The following PNPLA4 variants were observed in gnomAD, a reference collection of about 807,000 sequenced individuals.
PNPLA4 encodes the protein patatin like domain 4, phospholipase and triacylglycerol lipase.
A neutral mutation model predicts 18.3 loss-of-function variants in PNPLA4; 15 were observed. The ratio of observed to expected loss-of-function variants is 0.82; its 90% CI spans 0.55 to 1.26. The LOEUF (loss-of-function observed/expected upper bound fraction) is 1.26, where lower values mean the gene tolerates loss of function less well. Ranked by LOEUF, PNPLA4 falls within the 50% of genes most tolerant of loss-of-function variation. The pLI is 0.00. For missense variants in PNPLA4, 229 were observed against 196.8 expected (o/e 1.16, Z -0.98); for synonymous variants, 88 against 85.6 (o/e 1.03, Z -0.16).
chrX:7,909,527 C>A (rs1235348368), intron 5 of PNPLA4, among the ~76,000 whole-genome samples: 1 of 108,638 alleles, frequency 9.2e-6, no homozygotes, highest in Non-Finnish European at 1.9e-5. Context: ...CCACTGCACT[C>A]CAGCCTGGGT....
At position 7,899,063 on chromosome X, in the gene PNPLA4, A is replaced by G. The variant is rs1406164721; in HGVS notation, c.*1623T>C. ...TCTATCCACTTCATGTCACTTATGG[A>G]AACAACACATTAAGATTAAACTACA... On this transcript the variant is annotated 3_prime_UTR_variant, in exon 7 of 7. Transcript: ENST00000381042. 4.5e-5 allele frequency: 5 copies of G among 111,853 alleles called. No homozygotes were observed. Among genetic ancestry groups the G allele is most frequent in the Non-Finnish European group, 9.4e-5 (5 of 53,169 alleles). The allele number at this position is 111,853 out of a possible 1,213,427, so 9.2% of individuals were successfully genotyped here.
intron 4 of PNPLA4, among the ~76,000 whole-genome samples, chrX:7,918,079 C>T (rs1924099609): frequency 8.9e-6 from 1 of 111,990 alleles, no homozygotes; most frequent in Admixed American, 9.4e-5. Context: ...TTCATGCTCT[C>T]CCATGCTCTT....
In PNPLA4 at chrX:7,899,954, T is replaced by C. The variant is rs1288914359; in HGVS notation, c.*732A>G. 9.0e-6 allele frequency: 1 copy of C among 111,711 alleles called. No individual in the cohort carries two copies. Among genetic ancestry groups the C allele is most frequent in the Non-Finnish European group, 1.9e-5 (1 of 53,189 alleles). The allele number at this position is 111,711 out of a possible 1,213,427, so 9.2% of individuals were successfully genotyped here. ...TAACTGAATCATGGAGGCAGGTCTT[T>C]CCCATGCTATTCTCATGATAGTGAA... On this transcript the variant is annotated 3_prime_UTR_variant, in exon 7 of 7. Coordinates refer to ENST00000381042, the MANE Select transcript of PNPLA4 (RefSeq NM_004650.3).
chrX:7,903,127 T>C (rs934655932), intron 5 of PNPLA4, among the ~76,000 whole-genome samples: 1 of 111,750 alleles, frequency 8.9e-6, no homozygotes. Context: ...CTTCAATGTG[T>C]AAAATGCAAT....
At chrX:7,926,927 G>A (rs1924434800) in intron 1 of PNPLA4, among the ~76,000 whole-genome samples, 1 of 112,070 alleles carries the variant, frequency 8.9e-6, no homozygotes, top group African/African-American at 3.2e-5. Flanking sequence ...GGGGCCCAAG[G>A]GCCCCATTCA....
intron 5 of PNPLA4, among the ~76,000 whole-genome samples, chrX:7,906,914 A>T (rs1262989483): frequency 8.9e-6 from 1 of 112,677 alleles, no homozygotes; most frequent in Non-Finnish European, 1.9e-5. Flanking sequence ...TATATACTTA[A>T]TCTTAACCAA....
chrX:7,904,334 C>T (rs754009759), intron 5 of PNPLA4, among the ~76,000 whole-genome samples: 51 of 112,145 alleles, frequency 4.5e-4, no homozygotes, highest in African/African-American at 1.3e-3. Context: ...TTTAGGGAAT[C>T]GAAAATCCTT....
intron 1 of PNPLA4, among the ~76,000 whole-genome samples, chrX:7,926,772 A>G (rs1054450727): frequency 9.8e-5 from 11 of 112,448 alleles, no homozygotes; most frequent in African/African-American, 3.2e-4. Flanking sequence ...GCTCTATGAA[A>G]TGTCAGCCAC....
At chrX:7,924,857 C>G (rs756276978) in intron 2 of PNPLA4, among the ~76,000 whole-genome samples, 1 of 111,968 alleles carries the variant, frequency 8.9e-6, no homozygotes, top group Non-Finnish European at 1.9e-5. Context: ...TGCCACAGCT[C>G]AAGAAAAGAC....
rs1923473024 is a variant in PNPLA4, at chrX:7,899,869, T to C, written c.*817A>G. The C allele has an allele frequency of 9.0e-6, 1 of 111,331 alleles. No individual in the cohort carries two copies. The highest frequency in any genetic ancestry group is 9.5e-5 in the Admixed American group (1 of 10,526). 9.2% of individuals were successfully genotyped at this position (111,331 alleles called of 1,213,427 possible). Reference sequence around the variant, plus strand: ...TGGCTGTGTCCCCACCCAAATCTCATCTTGAAGTGTATGTAGCTCCCACAA... The same window carrying C: ...TGGCTGTGTCCCCACCCAAATCTCACCTTGAAGTGTATGTAGCTCCCACAA... On this transcript the variant is annotated 3_prime_UTR_variant, in exon 7 of 7. Transcript: ENST00000381042.
At chrX:7,914,411 C>T (rs988354400) in intron 4 of PNPLA4, among the ~76,000 whole-genome samples, 1 of 111,647 alleles carries the variant, frequency 9.0e-6, no homozygotes, top group Non-Finnish European at 1.9e-5. Flanking sequence ...ACATCATTGG[C>T]TTCAGAGAAA....
intron 5 of PNPLA4, among the ~76,000 whole-genome samples, chrX:7,904,335 G>A (rs757406346): frequency 2.7e-5 from 3 of 112,178 alleles, no homozygotes; most frequent in Admixed American, 9.4e-5. Flanking sequence ...TTAGGGAATC[G>A]AAAATCCTTT....
At chrX:7,909,097 T>C in intron 5 of PNPLA4, among the ~76,000 whole-genome samples, 1 of 111,756 alleles carries the variant, frequency 8.9e-6, no homozygotes, top group Admixed American at 9.5e-5. Context: ...GTAAGAGGCA[T>C]AGCAAAGATA....
At chrX:7,903,687 A>G (rs1923618459) in intron 5 of PNPLA4, among the ~76,000 whole-genome samples, 1 of 111,945 alleles carries the variant, frequency 8.9e-6, no homozygotes, top group South Asian at 3.7e-4. Context: ...CCTCCAAAGG[A>G]AATAAAAGTA....
At chrX:7,909,032 G>A (rs970906336) in intron 5 of PNPLA4, among the ~76,000 whole-genome samples, 2 of 111,822 alleles carry the variant, frequency 1.8e-5, no homozygotes, top group Non-Finnish European at 3.8e-5. Flanking sequence ...GCTGCGGCTG[G>A]ACAGGAAGAA....
chrX:7,900,577 C>A lies in PNPLA4; in HGVS notation c.*109G>T. 4.2e-6 allele frequency: 2 copies of A among 479,931 alleles called. No individual in the cohort carries two copies. Among genetic ancestry groups the A allele is most frequent in the Non-Finnish European group, 6.7e-6 (2 of 300,010 alleles). 39.6% of individuals were successfully genotyped at this position (479,931 alleles called of 1,213,427 possible). ...ATATTAAAAATAAACACAAATATTA[C>A]AAGGAGTAATACAATTGAGTCATGA... On this transcript the variant is annotated 3_prime_UTR_variant, in exon 7 of 7. Transcript: ENST00000381042.
At chrX:7,902,973 C>T (rs1923586960) in intron 5 of PNPLA4, among the ~76,000 whole-genome samples, 1 of 111,819 alleles carries the variant, frequency 8.9e-6, no homozygotes, top group South Asian at 3.7e-4. Context: ...AAACACAACA[C>T]ACATGGAAAT....
At chrX:7,925,442 G>T (rs1924361995) in intron 2 of PNPLA4, among the ~76,000 whole-genome samples, 2 of 112,121 alleles carry the variant, frequency 1.8e-5, no homozygotes, top group Non-Finnish European at 1.9e-5. Context: ...ATTACTTCTG[G>T]ATAAATTGCT....
chrX:7,906,853 T>A (rs1405199463), intron 5 of PNPLA4, among the ~76,000 whole-genome samples: 1 of 112,178 alleles, frequency 8.9e-6, no homozygotes, highest in Admixed American at 9.4e-5. Flanking sequence ...ATGACCCATA[T>A]CCGCATGGAC....
Sources: gnomAD v4.1 joint callset for allele counts (sites outside exome capture counted in the v4.1 genomes callset) on GRCh38, gnomAD v4.1.1 for gene constraint, MANE v1.5 for transcripts, NCBI Gene and HGNC (gene_info 2026-07-23, HGNC 2026-07-21) for gene names.